The following POLR3H variants were observed in gnomAD, a reference collection of about 807,000 sequenced individuals.
POLR3H encodes DNA-directed RNA polymerase III subunit RPC8.
Under a neutral mutation model 25.5 loss-of-function variants are expected in POLR3H, and 17 were observed. The observed-to-expected ratio is 0.67, with a 90% CI of 0.46 to 1.00. The LOEUF (loss-of-function observed/expected upper bound fraction) is 1.00. POLR3H is among the 50% of genes least tolerant of loss of function. The pLI, the probability that POLR3H is intolerant of heterozygous loss-of-function variation, is 0.00. For synonymous variants in POLR3H, 129 were observed against 103.0 expected (o/e 1.25, Z -1.53); for missense variants, 274 against 265.0 (o/e 1.03, Z -0.24).
intron 2 of POLR3H, among the ~76,000 whole-genome samples, chr22:41,536,122 G>A (rs2066840119): frequency 6.6e-6 from 1 of 151,034 alleles, no homozygotes; most frequent in Admixed American, 6.6e-5. Context: ...GCCGGGCGCG[G>A]TGGCTCACGC....
chr22:41,535,656 G>A (rs1327940596), intron 2 of POLR3H, among the ~76,000 whole-genome samples: 1 of 151,650 alleles, frequency 6.6e-6, no homozygotes. Flanking sequence ...GCAAAACCCA[G>A]TCTCTACTAA....
intron 4 of POLR3H, among the ~76,000 whole-genome samples, chr22:41,531,236 A>C (rs897227876): frequency 6.6e-6 from 1 of 152,106 alleles, no homozygotes; most frequent in Non-Finnish European, 1.5e-5. Context: ...AGCCCCACAC[A>C]CCCTTTTCAT....
chr22:41,526,095 G>A lies in POLR3H; in HGVS notation c.*3188C>T. On this transcript the variant is annotated 3_prime_UTR_variant, in exon 6 of 6. Transcript: ENST00000355209. ...CCTGGCCTGAGCCCATGTGGCCTTA[G>A]GGTGGAAGCACCAGGACCACAGAAC... The A allele has an allele frequency of 1.6e-6, 1 of 607,228 alleles. No homozygotes were observed. Among genetic ancestry groups the A allele is most frequent in the East Asian group, 2.8e-5 (1 of 35,572 alleles). The allele number at this position is 607,228 out of a possible 1,614,324, so 37.6% of individuals were successfully genotyped here.
rs200799843 is a variant in POLR3H at position 41,544,434 on chromosome 22, C to CCGCG, written c.-334_-333insCGCG. The CCGCG allele has an allele frequency of 0.1, 21,656 of 208,692 alleles. 2,741 individuals carry two copies. The highest frequency in any genetic ancestry group is 0.4 in the East Asian group (3,465 of 8,684). The allele number at this position is 208,692 out of a possible 1,614,324, so 12.9% of individuals were successfully genotyped here. A position where few individuals can be genotyped will look rare whatever the true frequency, so the allele number is the denominator to read the frequency against. On this transcript the variant is annotated 5_prime_UTR_variant, in exon 1 of 6. Coordinates refer to ENST00000355209, the MANE Select transcript of POLR3H (RefSeq NM_001018050.4). The stretch of plus-strand genomic sequence containing the variant: ...CGCCGCTCGTATCACGCACCACGCA[C>CCGCG]CACGCACCGCGCACAGCCGCTCGCG...
At chr22:41,530,174 A>G (rs2066698733) in intron 5 of POLR3H, among the ~76,000 whole-genome samples, 1 of 151,584 alleles carries the variant, frequency 6.6e-6, no homozygotes, top group South Asian at 2.1e-4. Flanking sequence ...GTGTTGCCCA[A>G]GCTGTAATGC....
In POLR3H at chr22:41,528,865, G is replaced by T. The variant is rs758322583; in HGVS notation, c.*418C>A. 99 of 536,132 alleles carry T rather than the reference G, an allele frequency of 1.8e-4. No individual in the cohort carries two copies. Among genetic ancestry groups the T allele is most frequent in the Non-Finnish European group, 2.8e-4 (87 of 307,124 alleles). The allele number at this position is 536,132 out of a possible 1,614,324, so 33.2% of individuals were successfully genotyped here. On this transcript the variant is annotated 3_prime_UTR_variant, in exon 6 of 6. Coordinates refer to ENST00000355209, the MANE Select transcript of POLR3H (RefSeq NM_001018050.4). ...GCTCCATGCAACTGTATTTATTTTT[G>T]ATGACAAGACTCCCATCTAAAGTTT...
Position 41,530,807 on chromosome 22 carries a change from C to G in POLR3H, c.441G>C (p.Glu147Asp), listed in dbSNP as rs2066713976. 1 of 1,614,024 alleles carries G rather than the reference C, an allele frequency of 6.2e-7. No homozygotes were observed. The highest frequency in any genetic ancestry group is 8.5e-7 in the Non-Finnish European group (1 of 1,180,048). The part of the protein sequence containing the change: ...AHDLYMDTGE[E>D]IRFRVVDESF... Reference sequence around the variant, plus strand: ...TCTCGTCCACCACCCGGAAGCGGATCTCCTCGCCGGTGTCCATGTAGAGGT... The same window carrying G: ...TCTCGTCCACCACCCGGAAGCGGATGTCCTCGCCGGTGTCCATGTAGAGGT... The change falls in exon 5 of 6, where the codon GAG becomes GAC. Residue 147 changes from glutamate (E) to aspartate (D), a missense_variant. By Grantham distance (45) the Glu-to-Asp change is conservative. Coordinates refer to ENST00000355209, the MANE Select transcript of POLR3H (RefSeq NM_001018050.4).
rs191962954 is a variant in POLR3H, at chr22:41,542,065, C to A, written c.112-1270G>T. On this transcript the variant is annotated intron_variant, in intron 1 of 5. Coordinates refer to ENST00000355209, the MANE Select transcript of POLR3H (RefSeq NM_001018050.4). ...CAAGCCACACCAGCCTCTTCCACAC[C>A]ATGGTGGGTATTTTACCCCTTCTTC... Among the ~76,000 whole-genome samples the A allele has an allele frequency of 5.1e-4, 77 of 152,024 alleles. 1 individual carries two copies. Among genetic ancestry groups the A allele is most frequent in the Middle Eastern group, 6.8e-3 (2 of 294 alleles).
At chr22:41,537,523 C>CT (rs1470122178) in intron 2 of POLR3H, among the ~76,000 whole-genome samples, 2 of 152,158 alleles carry the variant, frequency 1.3e-5, no homozygotes, top group African/African-American at 4.8e-5. Flanking sequence ...CAATTGGTTC[C>CT]CACCACAAAA....
chr22:41,532,478 C>A, intron 3 of POLR3H, 181 bp downstream of exon 3: 1 of 1,124,228 alleles, frequency 8.9e-7, no homozygotes, highest in Non-Finnish European at 1.3e-6. Flanking sequence ...CACAGTGAAA[C>A]CGCACTGCTG....
At chr22:41,533,765 T>A (rs2066791277) in intron 2 of POLR3H, 1 of 1,269,070 alleles carries the variant, frequency 7.9e-7, no homozygotes, top group African/African-American at 1.5e-5. Flanking sequence ...AGAGAGCAGA[T>A]GAGGGCGGCC....
At chr22:41,529,693 C>G (rs764783628) in intron 5 of POLR3H, 1 of 583,284 alleles carries the variant, frequency 1.7e-6, no homozygotes, top group Admixed American at 2.0e-5. Flanking sequence ...AGCCACTCTT[C>G]CCCGGAGCCC....
chr22:41,542,194 C>A (rs1440401289), intron 1 of POLR3H, among the ~76,000 whole-genome samples: 1 of 152,134 alleles, frequency 6.6e-6, no homozygotes, highest in Non-Finnish European at 1.5e-5. Flanking sequence ...AGTGATTCTT[C>A]TCCCTCTGCC....
At chr22:41,541,662 T>C (rs1475132026) in intron 1 of POLR3H, among the ~76,000 whole-genome samples, 2 of 152,220 alleles carry the variant, frequency 1.3e-5, no homozygotes, top group African/African-American at 4.8e-5. Flanking sequence ...AATCAAATAC[T>C]AGAAGACTTG....
chr22:41,532,121 G>T lies in POLR3H; in HGVS notation c.332C>A (p.Pro111Gln). Residue 111 changes from proline to glutamine, a missense_variant, in exon 4 of 6, where the codon CCA becomes CAA. Coordinates refer to ENST00000355209, the MANE Select transcript of POLR3H (RefSeq NM_001018050.4). ...CTTGGCTGGCTGCTGCAGTGACTCTGGGGGGATGAGAATGTCATCGAAGAA... is the reference window on the plus strand; with the variant it reads ...CTTGGCTGGCTGCTGCAGTGACTCTTGGGGGATGAGAATGTCATCGAAGAA... Reference protein sequence around the residue: ...LGFFDDILIPPESLQQPAKFD... With the variant: ...LGFFDDILIPQESLQQPAKFD... 1.2e-6 allele frequency: 2 copies of T among 1,613,958 alleles called. No homozygotes were observed. The highest frequency in any genetic ancestry group is 1.7e-6 in the Non-Finnish European group (2 of 1,179,880).
intron 3 of POLR3H, 52 bp from the exon 4 acceptor site, chr22:41,532,209 CA>C: frequency 6.4e-7 from 1 of 1,557,566 alleles, no homozygotes; most frequent in Non-Finnish European, 8.9e-7. Context: ...CAGTGGACGC[CA>C]AACACTGCGG....
Position 41,528,604 on chromosome 22 carries a change from G to GC in POLR3H, c.*678dup. On this transcript the variant is annotated 3_prime_UTR_variant, in exon 6 of 6. Transcript: ENST00000355209. ...GTGCCCTCAACAGAATGAAGGAACT[G>GC]CAACAGTGAGGGCAGTGCCTCCCCG... 1 of 1,609,420 alleles carries GC rather than the reference G, an allele frequency of 6.2e-7. No homozygotes were observed. The highest frequency in any genetic ancestry group is 8.5e-7 in the Non-Finnish European group (1 of 1,179,380).
rs2066611973 is a variant in POLR3H, at chr22:41,526,975, C to T, written c.*2308G>A. The T allele has an allele frequency of 2.2e-6, 1 of 461,600 alleles. No homozygotes were observed. The highest frequency in any genetic ancestry group is 3.9e-6 in the Non-Finnish European group (1 of 256,260). 28.6% of individuals were successfully genotyped at this position (461,600 alleles called of 1,614,324 possible). On this transcript the variant is annotated 3_prime_UTR_variant, in exon 6 of 6. Coordinates refer to ENST00000355209, the MANE Select transcript of POLR3H (RefSeq NM_001018050.4). Reference sequence around the variant, plus strand: ...TTCACAGATGCATCTTGTGTGGGGCCCGGAGGCCGTCCCTGTCTCACCCAA... The same window carrying T: ...TTCACAGATGCATCTTGTGTGGGGCTCGGAGGCCGTCCCTGTCTCACCCAA...
rs1247575225 is a variant in POLR3H, at chr22:41,532,727, A to C, written c.227T>G (p.Val76Gly). The change falls in exon 3 of 6, where the codon GTG becomes GGG. Residue 76 changes from valine (V) to glycine (G), a missense_variant. Val to Gly is a moderately radical substitution (Grantham distance 109). Transcript: ENST00000355209. ...SHTKVHFRCV[V>G]FHPFLDEILI... is the part of the protein sequence containing the mutation. ...AATCTCATCTAGGAATGGATGAAAC[A>C]CCACGCAGCGAAAATGGACTGGAAA... 1 of 1,613,838 alleles carries C rather than the reference A, an allele frequency of 6.2e-7. No individual in the cohort carries two copies. Among genetic ancestry groups the C allele is most frequent in the Non-Finnish European group, 8.5e-7 (1 of 1,179,936 alleles).
Sources: gnomAD v4.1 joint callset for allele counts (sites outside exome capture counted in the v4.1 genomes callset) on GRCh38, gnomAD v4.1.1 for gene constraint, MANE v1.5 for transcripts, NCBI Gene and HGNC (gene_info 2026-07-23, HGNC 2026-07-21) for gene names.